The following DYNC1H1 variants were observed in gnomAD, a reference collection of about 807,000 sequenced individuals.
The protein encoded by DYNC1H1 is dynein cytoplasmic 1 heavy chain 1.
In DYNC1H1, 51 loss-of-function variants were observed where a neutral mutation model predicts 527.1. The observed-to-expected ratio is 0.10, with a 90% CI of 0.08 to 0.12. The LOEUF (loss-of-function observed/expected upper bound fraction) is 0.12. DYNC1H1 is among the 10% of genes least tolerant of loss of function. The pLI is 1.00. For synonymous variants in DYNC1H1, 2,189 were observed against 2,278.8 expected (o/e 0.96, Z 1.12); for missense variants, 2,771 against 5,971.8 (o/e 0.46, Z 17.66).
chr14:102,036,400 A>G lies in DYNC1H1; in HGVS notation c.10755-89A>G. 5 of 1,566,072 alleles carry G rather than the reference A, an allele frequency of 3.2e-6. No homozygotes were observed. The highest frequency in any genetic ancestry group is 1.1e-5 in the South Asian group (1 of 89,460). On this transcript the variant is annotated intron_variant, in intron 56 of 77. Transcript: ENST00000360184. The surrounding 1 kb of genome is among the most constrained non-coding windows in gnomAD (Gnocchi z 5.6). Reference sequence around the variant, plus strand: ...GGGTGGTGGTAACAGCCTATCAATCAGGGTCTCTCATCAGGGACTCGGCTA... The same window carrying G: ...GGGTGGTGGTAACAGCCTATCAATCGGGGTCTCTCATCAGGGACTCGGCTA...
Position 102,049,540 on chromosome 14 carries a change from C to T in DYNC1H1, c.13473C>T (p.Asn4491=), listed in dbSNP as rs749739195. ...DFSERIKQLQ[N]ISLAAASGGA... is the part of the protein sequence containing the mutation. ...GCGAGAGGATCAAACAGCTGCAGAACATCTCACTGGCAGCTGCATCTGGTG... is the reference window on the plus strand; with the variant it reads ...GCGAGAGGATCAAACAGCTGCAGAATATCTCACTGGCAGCTGCATCTGGTG... The change falls in exon 75 of 78, where the codon AAC becomes AAT. Residue 4491 remains asparagine, a synonymous_variant. Coordinates refer to ENST00000360184, the MANE Select transcript of DYNC1H1 (RefSeq NM_001376.5). The surrounding 1 kb of genome is among the most constrained non-coding windows in gnomAD (Gnocchi z 5.5). The T allele has an allele frequency of 2.5e-6, 4 of 1,614,116 alleles. No individual in the cohort carries two copies. In the Admixed American group the frequency reaches 6.7e-5, roughly 27 times the overall value.
At position 102,010,496 on chromosome 14, in the gene DYNC1H1, C is replaced by A. The variant is rs1007822221; in HGVS notation, c.6405+37C>A. ...ACGTTTTGATCACTCAAACCTTATA[C>A]GTTATTTAAATTTACCTTTTTAACA... On this transcript the variant is annotated intron_variant, in intron 31 of 77. Transcript: ENST00000360184. The surrounding 1 kb of genome is among the most constrained non-coding windows in gnomAD (Gnocchi z 6.0). The A allele has an allele frequency of 1.2e-6, 2 of 1,608,684 alleles. No homozygotes were observed. The highest frequency in any genetic ancestry group is 1.1e-5 in the South Asian group (1 of 90,360).
Position 102,053,501 on chromosome 14 carries a change from T to G in DYNC1H1, c.*2938T>G, listed in dbSNP as rs1391063356. 1 of 151,642 alleles carries G rather than the reference T, an allele frequency of 6.6e-6. No homozygotes were observed. The allele number at this position is 151,642 out of a possible 1,614,324, so 9.4% of individuals were successfully genotyped here. ...TCTCGCACTGTTGTCCAGGCTGGAG[T>G]GCAGTGGCGCGATCTCGGCTCACTG... On this transcript the variant is annotated 3_prime_UTR_variant, in exon 78 of 78. Transcript: ENST00000360184.
Position 102,050,695 on chromosome 14 carries a change from T to A in DYNC1H1, c.*132T>A. 1 of 1,443,128 alleles carries A rather than the reference T, an allele frequency of 6.9e-7. No individual in the cohort carries two copies. The highest frequency in any genetic ancestry group is 9.6e-7 in the Non-Finnish European group (1 of 1,044,926). 89.4% of individuals were successfully genotyped at this position (1,443,128 alleles called of 1,614,324 possible). On this transcript the variant is annotated 3_prime_UTR_variant, in exon 78 of 78. Coordinates refer to ENST00000360184, the MANE Select transcript of DYNC1H1 (RefSeq NM_001376.5). ...TGAGGTTGGAGGAAGCTGAATGGAA[T>A]CTGACGGTTGGGAGTGGTGGAAATT...
At position 101,985,798 on chromosome 14, in the gene DYNC1H1, C is replaced by T; in HGVS notation, c.1573C>T (p.Leu525Phe). ...ADANAIEEVN[L>F]AYENVKEVDG... Reference sequence around the variant, plus strand: ...TGCAAATGCCATTGAGGAAGTAAACCTTGCTTATGAGAACGTCAAGGAAGT... The same window carrying T: ...TGCAAATGCCATTGAGGAAGTAAACTTTGCTTATGAGAACGTCAAGGAAGT... The change falls in exon 8 of 78, where the codon CTT (leucine) becomes TTT (phenylalanine). Residue 525 changes from leucine to phenylalanine, a missense_variant. By Grantham distance (22) the Leu-to-Phe change is conservative. This residue lies in a region of DYNC1H1 where 264 missense variants were observed against 619.4 expected (regional missense o/e 0.43). Transcript: ENST00000360184. This position sits in a 1 kb window ranked among gnomAD's most constrained non-coding sequence, Gnocchi z 5.9. 3 of 1,614,108 alleles carry T rather than the reference C, an allele frequency of 1.9e-6. No homozygotes were observed. Among genetic ancestry groups the T allele is most frequent in the Non-Finnish European group, 2.5e-6 (3 of 1,180,026 alleles).
chr14:101,965,084 C>T lies in DYNC1H1; in HGVS notation c.256+137C>T, dbSNP rs938258358. 12 of 961,538 alleles carry T rather than the reference C, an allele frequency of 1.2e-5. No homozygotes were observed. Among genetic ancestry groups the T allele is most frequent in the Admixed American group, 3.6e-5 (1 of 27,436 alleles). 59.6% of individuals were successfully genotyped at this position (961,538 alleles called of 1,614,324 possible). A position where few individuals can be genotyped will look rare whatever the true frequency, so the allele number is the denominator to read the frequency against. On this transcript the variant is annotated intron_variant, in intron 1 of 77. Transcript: ENST00000360184. This position sits in a 1 kb window ranked among gnomAD's most constrained non-coding sequence, Gnocchi z 4.1. ...CAGATGACCCCTGGATGGGCAGAGC[C>T]CGGCGGCCGCAGACGTCCCGCCGGC... is the stretch of plus-strand genomic sequence containing the variant.
intron 1 of DYNC1H1, among the ~76,000 whole-genome samples, chr14:101,968,439 G>T (rs1049726299): frequency 1.3e-5 from 2 of 152,044 alleles, no homozygotes; most frequent in African/African-American, 2.4e-5. Context: ...TCACCATGTT[G>T]CCCAGGCTGG....
chr14:101,984,453 T>A (rs1190852961), intron 7 of DYNC1H1, among the ~76,000 whole-genome samples: 9 of 121,980 alleles, frequency 7.4e-5, no homozygotes, highest in African/African-American at 1.7e-4. Context: ...ATATTATATT[T>A]TTTTTTTTTT....
At chr14:102,019,597 T>C (rs1222527377) in intron 41 of DYNC1H1, among the ~76,000 whole-genome samples, 2 of 152,364 alleles carry the variant, frequency 1.3e-5, no homozygotes, top group Non-Finnish European at 1.5e-5. Context: ...TATCCAATTG[T>C]TCCAACATTG....
In DYNC1H1 at chr14:102,012,829, C is replaced by T. The variant is rs2152579737; in HGVS notation, c.7014+359C>T. 2 of 359,768 alleles carry T rather than the reference C, an allele frequency of 5.6e-6. No homozygotes were observed. Among genetic ancestry groups the T allele is most frequent in the Non-Finnish European group, 1.1e-5 (2 of 187,888 alleles). The allele number at this position is 359,768 out of a possible 1,614,324, so 22.3% of individuals were successfully genotyped here. ...TTGGAATGGGGCTTTCTAGGCTGTCCCTTGGAAAATGAGTGCATGATGCAG... is the reference window on the plus strand; with the variant it reads ...TTGGAATGGGGCTTTCTAGGCTGTCTCTTGGAAAATGAGTGCATGATGCAG... On this transcript the variant is annotated intron_variant, in intron 34 of 77. Coordinates refer to ENST00000360184, the MANE Select transcript of DYNC1H1 (RefSeq NM_001376.5). The surrounding 1 kb of genome is among the most constrained non-coding windows in gnomAD (Gnocchi z 4.9).
intron 15 of DYNC1H1, 66 bp from the exon 16 acceptor site, chr14:101,996,969 C>T: frequency 1.3e-6 from 2 of 1,556,614 alleles, no homozygotes; most frequent in East Asian, 2.4e-5. Context: ...TTTCATGGGG[C>T]TCTAATTAAT....
chr14:102,032,728 C>T, intron 52 of DYNC1H1: 1 of 583,034 alleles, frequency 1.7e-6, no homozygotes, highest in Non-Finnish European at 3.0e-6. Context: ...TGGCATGCGC[C>T]TGTAGTCCTA....
rs758999145 is a variant in DYNC1H1 at position 102,008,267 on chromosome 14, G to T, written c.5907G>T (p.Ser1969=). The T allele has an allele frequency of 4.3e-6, 7 of 1,614,142 alleles. No homozygotes were observed. Among genetic ancestry groups the T allele is most frequent in the Non-Finnish European group, 5.9e-6 (7 of 1,180,034 alleles). ...ACCGCCTGGAGGAGCGGATGCTCTC[G>T]GCTGTGTCCCAGCAGGTGCAGTGCA... is the stretch of plus-strand genomic sequence containing the variant. ...EFNRLEERML[S]AVSQQVQCIQ... is the part of the protein sequence containing the mutation. Residue 1969 remains serine, a synonymous_variant, in exon 29 of 78, where the codon TCG becomes TCT. Transcript: ENST00000360184.
At position 101,986,179 on chromosome 14, in the gene DYNC1H1, A is replaced by G. The variant is rs1462861994; in HGVS notation, c.1954A>G (p.Lys652Glu). ...TGTGTCAGGGTCTATCATCTGGGCT[A>G]AACAGATCGACAGGCAGCTGACGGC... ...PPVSGSIIWA[K>E]QIDRQLTAYM... Residue 652 changes from lysine to glutamate, a missense_variant, in exon 8 of 78, where the codon AAA becomes GAA. Transcript: ENST00000360184. This position sits in a 1 kb window ranked among gnomAD's most constrained non-coding sequence, Gnocchi z 8.7. The G allele has an allele frequency of 6.2e-7, 1 of 1,614,184 alleles. No individual in the cohort carries two copies.
rs1187655468 is a variant in DYNC1H1 at position 102,036,905 on chromosome 14, A to G, written c.10908+263A>G. On this transcript the variant is annotated intron_variant, in intron 57 of 77. Transcript: ENST00000360184. The surrounding 1 kb of genome is among the most constrained non-coding windows in gnomAD (Gnocchi z 5.6). Reference sequence around the variant, plus strand: ...TGGATCATCTAAGGTCAGGAATTCAAGAAAAGCCTGGCTAAACCCCATCTC... The same window carrying G: ...TGGATCATCTAAGGTCAGGAATTCAGGAAAAGCCTGGCTAAACCCCATCTC... 1 of 395,668 alleles carries G rather than the reference A, an allele frequency of 2.5e-6. No homozygotes were observed. The highest frequency in any genetic ancestry group is 4.8e-6 in the Non-Finnish European group (1 of 208,762). The allele number at this position is 395,668 out of a possible 1,614,324, so 24.5% of individuals were successfully genotyped here. A position where few individuals can be genotyped will look rare whatever the true frequency, so the allele number is the denominator to read the frequency against.
intron 1 of DYNC1H1, among the ~76,000 whole-genome samples, chr14:101,975,289 G>A (rs1203572531): frequency 6.6e-6 from 1 of 152,224 alleles, no homozygotes; most frequent in African/African-American, 2.4e-5. Context: ...CACAGGTGTT[G>A]CTGAGTGAAC....
At chr14:101,966,892 A>G (rs2047674340) in intron 1 of DYNC1H1, among the ~76,000 whole-genome samples, 1 of 152,164 alleles carries the variant, frequency 6.6e-6, no homozygotes, top group South Asian at 2.1e-4. Flanking sequence ...TCTTATGAGT[A>G]CCTTTTTTTC....
intron 1 of DYNC1H1, among the ~76,000 whole-genome samples, chr14:101,972,898 A>G (rs1373552239): frequency 6.6e-6 from 1 of 152,168 alleles, no homozygotes; most frequent in Non-Finnish European, 1.5e-5. Flanking sequence ...AAATCATCGC[A>G]GTACTTTGAC....
intron 56 of DYNC1H1, chr14:102,035,695 C>T (rs2048566172): frequency 6.6e-6 from 1 of 152,248 alleles, no homozygotes; most frequent in Admixed American, 6.5e-5. Context: ...TGGACAGGTG[C>T]AGAGCGGACA....
Sources: allele counts gnomAD v4.1 joint callset (sites outside exome capture counted in the v4.1 genomes callset), GRCh38; gene constraint gnomAD v4.1.1; regional missense constraint gnomAD v4.1.1; non-coding constraint Gnocchi (gnomAD v3.1); transcripts MANE v1.5; gene names NCBI Gene and HGNC (gene_info 2026-07-23, HGNC 2026-07-21).